Variants in ZPBP observed in about 807,000 individuals in gnomAD.
ZPBP encodes zona pellucida binding protein.
ZPBP carries 26 observed loss-of-function variants against 44.8 expected under a neutral mutation model. That is an observed-to-expected ratio of 0.58 (90% CI 0.43 to 0.81). ZPBP has a LOEUF of 0.81. Among genes scored for constraint, ZPBP ranks in the 30% least tolerant of loss-of-function variants. The pLI, the probability that ZPBP is intolerant of heterozygous loss-of-function variation, is 0.00. For missense variants in ZPBP, 409 were observed against 434.0 expected (o/e 0.94, Z 0.51); for synonymous variants, 174 against 153.2 (o/e 1.14, Z -1.00).
intron 6 of ZPBP, among the ~76,000 whole-genome samples, chr7:49,999,743 G>A (rs535955277): frequency 1.4e-4 from 21 of 152,244 alleles, no homozygotes; most frequent in Non-Finnish European, 2.2e-4. Context: ...TCAGTGGAGT[G>A]GATGGTGCCC....
Position 50,006,083 on chromosome 7 carries a change from C to T in ZPBP, c.783+12157G>A, listed in dbSNP as rs139033943. Among the ~76,000 whole-genome samples the T allele has an allele frequency of 1.3e-3, 194 of 151,880 alleles. 1 individual carries two copies. The highest frequency in any genetic ancestry group is 4.5e-3 in the African/African-American group (188 of 41,368). On this transcript the variant is annotated intron_variant, in intron 6 of 7. Coordinates refer to ENST00000046087, the MANE Select transcript of ZPBP (RefSeq NM_007009.3). Reference sequence around the variant, plus strand: ...TTATATAATGATGAAAGGGCCAATTCAACAACAAGCTATAATAATCATAAA... The same window carrying T: ...TTATATAATGATGAAAGGGCCAATTTAACAACAAGCTATAATAATCATAAA...
intron 1 of ZPBP, among the ~76,000 whole-genome samples, chr7:49,902,691 T>A (rs2128736922): frequency 6.6e-6 from 1 of 152,164 alleles, no homozygotes; most frequent in Non-Finnish European, 1.5e-5. Flanking sequence ...CTTTAGGACG[T>A]AGGGCTTCTT....
rs188370407 is a variant in ZPBP at position 49,856,480 on chromosome 7, A to G, written n.510-5966T>C. On this transcript the variant is annotated intron_variant and non_coding_transcript_variant, in intron 2 of 2. Transcript: ENST00000465922. ...AGGCTGCAGATCATGAGCCAAATAT[A>G]CTTCTTTTCTTTAAAAATTACCCTT... 4.3e-4 allele frequency among the ~76,000 whole-genome samples: 65 copies of G among 152,314 alleles called. 1 individual carries two copies. Among genetic ancestry groups the G allele is most frequent in the Non-Finnish European group, 8.1e-4 (55 of 68,038 alleles).
At chr7:49,943,375 T>C in intron 7 of ZPBP, 1 of 369,068 alleles carries the variant, frequency 2.7e-6, no homozygotes, top group East Asian at 7.4e-5. Context: ...ATAACCAACA[T>C]ATCAAGGTAA....
chr7:49,983,971 A>T (rs1478864718), intron 6 of ZPBP, among the ~76,000 whole-genome samples: 1 of 152,222 alleles, frequency 6.6e-6, no homozygotes, highest in Non-Finnish European at 1.5e-5. Flanking sequence ...CTGTTTCAAA[A>T]ATTAAATCTA....
chr7:49,863,428 T>A (rs1251631738), intron 2 of ZPBP, among the ~76,000 whole-genome samples: 1 of 152,126 alleles, frequency 6.6e-6, no homozygotes, highest in Non-Finnish European at 1.5e-5. Context: ...CTCTCTCCCT[T>A]TTTTTCTTTT....
At chr7:49,997,483 C>G (rs1797899308) in intron 6 of ZPBP, among the ~76,000 whole-genome samples, 1 of 152,230 alleles carries the variant, frequency 6.6e-6, no homozygotes, top group Non-Finnish European at 1.5e-5. Context: ...AGTATGGCCA[C>G]CTCCCTCATT....
intron 6 of ZPBP, among the ~76,000 whole-genome samples, chr7:50,009,739 A>AAAAC (rs1798485371): frequency 6.6e-6 from 1 of 152,116 alleles, no homozygotes; most frequent in Non-Finnish European, 1.5e-5. Context: ...CAAAGAATGC[A>AAAAC]AAACAAAACA....
chr7:49,950,512 G>C (rs1282240050), intron 7 of ZPBP, among the ~76,000 whole-genome samples: 1 of 151,620 alleles, frequency 6.6e-6, no homozygotes, highest in African/African-American at 2.4e-5. Context: ...ATTTTTGTAA[G>C]TTTTAGTAAT....
intron 7 of ZPBP, among the ~76,000 whole-genome samples, chr7:49,967,773 T>C (rs996259786): frequency 2.6e-5 from 4 of 152,184 alleles, no homozygotes; most frequent in Admixed American, 2.0e-4. Context: ...CTTGAACTCC[T>C]GACCTCAGGT....
intron 7 of ZPBP, among the ~76,000 whole-genome samples, chr7:49,981,328 T>C (rs1263726966): frequency 2.3e-5 from 1 of 42,926 alleles, no homozygotes; most frequent in Non-Finnish European, 5.5e-5. Flanking sequence ...ATAATATATA[T>C]TATAATTATA....
intron 7 of ZPBP, among the ~76,000 whole-genome samples, chr7:49,980,936 C>A (rs1175586919): frequency 1.3e-5 from 2 of 151,572 alleles, no homozygotes; most frequent in African/African-American, 4.8e-5. Flanking sequence ...ATAAAATAGA[C>A]TACTGACTAT....
chr7:50,091,175 T>TC (rs1802975617), intron 1 of ZPBP, among the ~76,000 whole-genome samples: 1 of 152,116 alleles, frequency 6.6e-6, no homozygotes, highest in Non-Finnish European at 1.5e-5. Context: ...GGGTTTTTTT[T>TC]CATGCTAATT....
chr7:50,065,996 T>C (rs1801482699), intron 3 of ZPBP, among the ~76,000 whole-genome samples: 1 of 151,154 alleles, frequency 6.6e-6, no homozygotes, highest in Non-Finnish European at 1.5e-5. Flanking sequence ...TACTACTTAG[T>C]AGAGCAGTCT....
At chr7:49,894,160 T>TTTTC (rs55679567) in intron 2 of ZPBP, among the ~76,000 whole-genome samples, 115,379 of 149,992 alleles carry the variant, frequency 0.77, 44,666 homozygotes, top group East Asian at 0.88. Context: ...AGGCTTTTTC[T>TTTTC]TTTCTTTCTT....
At chr7:49,872,915 C>CAAAAAAAAAAAAAAA (rs61473396) in intron 2 of ZPBP, among the ~76,000 whole-genome samples, 24 of 33,922 alleles carry the variant, frequency 7.1e-4, no homozygotes, top group African/African-American at 9.2e-4. Flanking sequence ...GACTTTGTCT[C>CAAAAAAAAAAAAAAA]AAAAAAAAAA....
chr7:50,058,688 A>T (rs1228613396), intron 3 of ZPBP, among the ~76,000 whole-genome samples: 2 of 152,166 alleles, frequency 1.3e-5, no homozygotes, highest in Non-Finnish European at 2.9e-5. Context: ...GAAGAAAAAA[A>T]AATATTGGAT....
chr7:49,957,443 C>CTT (rs1454059472), intron 7 of ZPBP, among the ~76,000 whole-genome samples: 2 of 152,170 alleles, frequency 1.3e-5, no homozygotes, highest in Non-Finnish European at 2.9e-5. Flanking sequence ...TCGAGGCTTG[C>CTT]TTCCCAGGGA....
At chr7:49,931,267 G>A (rs1396069333) in intron 1 of ZPBP, among the ~76,000 whole-genome samples, 1 of 152,146 alleles carries the variant, frequency 6.6e-6, no homozygotes, top group Non-Finnish European at 1.5e-5. Flanking sequence ...CTGAAAACGT[G>A]GAAGCTTTGG....
Sources: allele counts gnomAD v4.1 joint callset (sites outside exome capture counted in the v4.1 genomes callset), GRCh38; gene constraint gnomAD v4.1.1; transcripts MANE v1.5; gene names NCBI Gene and HGNC (gene_info 2026-07-23, HGNC 2026-07-21).